Variants in PTK2 observed in about 807,000 individuals in gnomAD.
PTK2 encodes protein tyrosine kinase 2.
PTK2 carries 45 observed loss-of-function variants against 150.1 expected under a neutral mutation model. The ratio of observed to expected loss-of-function variants is 0.30; its 90% CI spans 0.24 to 0.38. PTK2 has a LOEUF of 0.38. Among genes scored for constraint, PTK2 ranks in the 10% least tolerant of loss-of-function variants. PTK2 has a pLI of 1.00. For synonymous variants in PTK2, 432 were observed against 449.2 expected (o/e 0.96, Z 0.48); for missense variants, 919 against 1,307.3 (o/e 0.70, Z 4.58).
intron 1 of PTK2, among the ~76,000 whole-genome samples, chr8:140,972,921 C>G (rs566870434): frequency 1.3e-5 from 2 of 152,330 alleles, no homozygotes; most frequent in Non-Finnish European, 2.9e-5. Flanking sequence ...ATCTAAAATT[C>G]TAAAAATGAA....
intron 22 of PTK2, among the ~76,000 whole-genome samples, chr8:140,728,237 A>G (rs1440635495): frequency 6.6e-6 from 1 of 151,902 alleles, no homozygotes. Context: ...AAAGTTAAAG[A>G]TGTTCCCCAA....
chr8:140,735,118 T>C (rs1459966891), intron 22 of PTK2, 133 bp downstream of exon 25: 2 of 784,988 alleles, frequency 2.5e-6, no homozygotes, highest in East Asian at 2.7e-5. Flanking sequence ...ATTTTAAAAG[T>C]AATTGCATTT....
At chr8:140,753,758 C>T (rs2100064095) in intron 16 of PTK2, among the ~76,000 whole-genome samples, 1 of 152,140 alleles carries the variant, frequency 6.6e-6, no homozygotes, top group Non-Finnish European at 1.5e-5. Context: ...ATTTACATAA[C>T]TACTGTCTAT....
At chr8:140,716,412 T>C (rs2100039747) in intron 23 of PTK2, among the ~76,000 whole-genome samples, 1 of 152,178 alleles carries the variant, frequency 6.6e-6, no homozygotes, top group African/African-American at 2.4e-5. Context: ...AAGCTGGGAA[T>C]GACAGAGAAA....
rs76582251 is a variant in PTK2, at chr8:140,723,048, C to A, written c.2031-5339G>T. On this transcript the variant is annotated intron_variant, in intron 22 of 31. Transcript: ENST00000522684. ...TAAAAGGACCCTGTGGAGTCCCTTG[C>A]CACAAGAAGACTCTCTCAGGCTCCA... 3.5e-3 allele frequency among the ~76,000 whole-genome samples: 537 copies of A among 152,300 alleles called. 2 individuals carry two copies. The highest frequency in any genetic ancestry group is 6.8e-3 in the Non-Finnish European group (465 of 68,034).
chr8:140,733,339 G>T lies in PTK2; in HGVS notation c.2030+1912C>A, dbSNP rs145655755. Among the ~76,000 whole-genome samples, 99 of 152,332 alleles carry T rather than the reference G, an allele frequency of 6.5e-4. 1 individual carries two copies. Among genetic ancestry groups the T allele is most frequent in the African/African-American group, 2.0e-3 (84 of 41,572 alleles). ...GGGACTTGAGAAAAGGGCAGGACCA[G>T]AACTATAGACAGACAGAGGTAAGCA... is the stretch of plus-strand genomic sequence containing the variant. On this transcript the variant is annotated intron_variant, in intron 22 of 31. Transcript: ENST00000522684.
At chr8:141,000,127 C>CACACACACACACACA (rs58481152) in intron 1 of PTK2, among the ~76,000 whole-genome samples, 2,726 of 123,692 alleles carry the variant, frequency 0.022, 102 homozygotes, top group African/African-American at 0.033. Flanking sequence ...ACACACACAC[C>CACACACACACACACA]CCTTCTTCTA....
At chr8:140,803,005 CTTTT>C (rs778981723) in intron 11 of PTK2, among the ~76,000 whole-genome samples, 36 of 77,358 alleles carry the variant, frequency 4.7e-4, no homozygotes, top group African/African-American at 1.6e-3. Context: ...TGATGACAAT[CTTTT>C]TTTTTTTTTT....
intron 8 of PTK2, chr8:140,820,842 T>G (rs987502623): frequency 2.0e-5 from 3 of 152,196 alleles, no homozygotes; most frequent in Non-Finnish European, 4.4e-5. Flanking sequence ...GAAGATGGAT[T>G]AGGTGACCTG....
At chr8:140,705,416 A>G (rs2100033128) in intron 24 of PTK2, among the ~76,000 whole-genome samples, 1 of 152,202 alleles carries the variant, frequency 6.6e-6, no homozygotes, top group African/African-American at 2.4e-5. Flanking sequence ...AAATTCTAGA[A>G]CAGGCAGAAA....
At chr8:140,768,452 T>C (rs1270137066) in intron 14 of PTK2, among the ~76,000 whole-genome samples, 1 of 152,236 alleles carries the variant, frequency 6.6e-6, no homozygotes, top group African/African-American at 2.4e-5. Flanking sequence ...ACTTGAGACC[T>C]TTCCCAGATG....
chr8:140,923,617 A>G (rs1485997525), intron 2 of PTK2, among the ~76,000 whole-genome samples: 4 of 152,256 alleles, frequency 2.6e-5, no homozygotes, highest in African/African-American at 4.8e-5. Context: ...TAATGGCAAC[A>G]TAAGTGAAAA....
chr8:140,752,695 G>A (rs2100063482), intron 16 of PTK2, among the ~76,000 whole-genome samples: 2 of 152,242 alleles, frequency 1.3e-5, no homozygotes, highest in South Asian at 4.1e-4. Flanking sequence ...TAATTACATA[G>A]TATGTTAGAA....
chr8:140,946,588 C>T (rs2100177773), intron 1 of PTK2, among the ~76,000 whole-genome samples: 4 of 152,196 alleles, frequency 2.6e-5, no homozygotes, highest in Non-Finnish European at 5.9e-5. Context: ...GAAGACCGGA[C>T]AGGAGCCTGT....
At chr8:140,678,221 T>G (rs549242768) in intron 27 of PTK2, among the ~76,000 whole-genome samples, 108 of 152,250 alleles carry the variant, frequency 7.1e-4, no homozygotes, top group African/African-American at 2.5e-3. Context: ...TATGTTTTTG[T>G]ATTTTTGGTA....
chr8:140,760,637 C>A (rs2100068889), intron 16 of PTK2, among the ~76,000 whole-genome samples: 1 of 152,094 alleles, frequency 6.6e-6, no homozygotes, highest in Admixed American at 6.6e-5. Flanking sequence ...GTGAAGAAAA[C>A]GTTCCAATTG....
intron 1 of PTK2, among the ~76,000 whole-genome samples, chr8:140,953,145 A>C (rs2100180066): frequency 6.6e-6 from 1 of 152,186 alleles, no homozygotes; most frequent in Non-Finnish European, 1.5e-5. Flanking sequence ...AACCCATGAG[A>C]ATAAGATACA....
intron 2 of PTK2, chr8:140,909,615 T>C (rs2100162302): frequency 1.3e-5 from 2 of 152,218 alleles, no homozygotes; most frequent in Non-Finnish European, 2.9e-5. Flanking sequence ...CACCACAGGT[T>C]CCATACCTGT....
chr8:140,994,237 G>A (rs1224073807), intron 1 of PTK2, among the ~76,000 whole-genome samples: 1 of 152,204 alleles, frequency 6.6e-6, no homozygotes, highest in Non-Finnish European at 1.5e-5. Context: ...CTAAGGGGGA[G>A]GACAGTGCCA....
Sources: allele counts gnomAD v4.1 joint callset (sites outside exome capture counted in the v4.1 genomes callset), GRCh38; gene constraint gnomAD v4.1.1; transcripts MANE v1.5; gene names NCBI Gene and HGNC (gene_info 2026-07-23, HGNC 2026-07-21).